The following CAST variants were observed in gnomAD, a reference collection of about 807,000 sequenced individuals.
The protein encoded by CAST is MIR583 host.
In CAST, 76 loss-of-function variants were observed where a neutral mutation model predicts 119.6. The observed-to-expected ratio is 0.64, with a 90% CI of 0.53 to 0.77. The LOEUF (loss-of-function observed/expected upper bound fraction) is 0.77, where lower values mean the gene tolerates loss of function less well. CAST is among the 30% of genes least tolerant of loss of function. The pLI is 0.00. For synonymous variants in CAST, 319 were observed against 331.6 expected, an observed-to-expected ratio of 0.96 and a Z score of 0.41; for missense variants, 953 against 946.5, an observed-to-expected ratio of 1.01 and a Z score of -0.09.
intron 1 of CAST, among the ~76,000 whole-genome samples, chr5:96,546,749 A>G (rs187212317): frequency 6.6e-6 from 1 of 152,320 alleles, no homozygotes; most frequent in Admixed American, 6.5e-5. Flanking sequence ...TAATGCCTCC[A>G]AAATACAAAA....
the CAST span, among the ~76,000 whole-genome samples, chr5:96,094,784 T>C: frequency 1.3e-5 from 2 of 152,230 alleles, no homozygotes; most frequent in Admixed American, 6.5e-5. Context: ...TTACATGTTT[T>C]ATTTTTAAAT....
At chr5:96,437,099 G>A in the CAST span, among the ~76,000 whole-genome samples, 1 of 152,178 alleles carries the variant, frequency 6.6e-6, no homozygotes, top group Non-Finnish European at 1.5e-5. Flanking sequence ...TATCTTGAGG[G>A]ACATCTTTAA....
chr5:96,336,756 G>A, the CAST span, among the ~76,000 whole-genome samples: 1 of 152,138 alleles, frequency 6.6e-6, no homozygotes, highest in Non-Finnish European at 1.5e-5. Flanking sequence ...ATAGAGATTT[G>A]GGGTAAAGCA....
the CAST span, among the ~76,000 whole-genome samples, chr5:96,244,614 C>A: frequency 1.3e-5 from 2 of 152,128 alleles, no homozygotes; most frequent in Non-Finnish European, 2.9e-5. Flanking sequence ...ATATTTACCC[C>A]ATTTTATACA....
intron 2 of CAST, among the ~76,000 whole-genome samples, chr5:96,688,449 A>C (rs1752324659): frequency 2.0e-5 from 3 of 152,220 alleles, no homozygotes; most frequent in Admixed American, 1.3e-4. Flanking sequence ...TATTTATCAT[A>C]GCTTTATTTA....
At chr5:96,266,046 T>C in the CAST span, among the ~76,000 whole-genome samples, 1 of 152,180 alleles carries the variant, frequency 6.6e-6, no homozygotes, top group East Asian at 1.9e-4. Flanking sequence ...GGTTCCACAA[T>C]GGCTTTGTAA....
chr5:96,331,506 G>A, the CAST span, among the ~76,000 whole-genome samples: 1 of 152,164 alleles, frequency 6.6e-6, no homozygotes, highest in African/African-American at 2.4e-5. Context: ...CATCATTCAT[G>A]TTTTCAGTTA....
At chr5:96,652,417 A>G (rs1363949475) in intron 1 of CAST, among the ~76,000 whole-genome samples, 1 of 152,234 alleles carries the variant, frequency 6.6e-6, no homozygotes, top group Admixed American at 6.5e-5. Flanking sequence ...ATTTTAGCCT[A>G]AGTACTAAAT....
At chr5:96,212,708 G>A in the CAST span, among the ~76,000 whole-genome samples, 1 of 152,142 alleles carries the variant, frequency 6.6e-6, no homozygotes. Context: ...TTGTAGACTT[G>A]TCTATTTCTC....
the CAST span, among the ~76,000 whole-genome samples, chr5:96,321,321 T>C: frequency 6.6e-6 from 1 of 152,328 alleles, no homozygotes; most frequent in Admixed American, 6.5e-5. Flanking sequence ...CAAAAATGTC[T>C]CCAGACATTG....
At chr5:96,307,469 T>A in the CAST span, among the ~76,000 whole-genome samples, 1 of 152,254 alleles carries the variant, frequency 6.6e-6, no homozygotes, top group Non-Finnish European at 1.5e-5. Context: ...TTAATATTGT[T>A]ATGTGTGCAT....
chr5:95,967,663 G>A, the CAST span, among the ~76,000 whole-genome samples: 2 of 152,044 alleles, frequency 1.3e-5, no homozygotes, highest in African/African-American at 2.4e-5. Context: ...GGCACTGCTC[G>A]TTGCTGTCGC....
the CAST span, among the ~76,000 whole-genome samples, chr5:96,459,328 G>T: frequency 1.3e-5 from 2 of 152,074 alleles, no homozygotes; most frequent in Non-Finnish European, 2.9e-5. Flanking sequence ...TTCTCTCATG[G>T]TCGTATATTG....
chr5:96,432,082 C>T, the CAST span: 3 of 1,531,844 alleles, frequency 2.0e-6, no homozygotes, highest in Non-Finnish European at 2.6e-6. Flanking sequence ...CGATTACGTA[C>T]TTGGCTGAAG....
At chr5:96,772,346 A>G (rs1414404069) in intron 31 of CAST, 1 of 153,314 alleles carries the variant, frequency 6.5e-6, no homozygotes, top group African/African-American at 2.4e-5. Context: ...AAAGCATACA[A>G]GCACTTACTG....
At chr5:96,366,912 T>C in the CAST span, among the ~76,000 whole-genome samples, 1 of 152,226 alleles carries the variant, frequency 6.6e-6, no homozygotes, top group African/African-American at 2.4e-5. Flanking sequence ...CTCTGATTTT[T>C]AGAATTTTCA....
At chr5:96,315,154 C>T in the CAST span, among the ~76,000 whole-genome samples, 134,319 of 152,198 alleles carry the variant, frequency 0.88, 59,510 homozygotes, top group Non-Finnish European at 0.93. Context: ...AACTGTGATA[C>T]GGGTATAAGT....
the CAST span, among the ~76,000 whole-genome samples, chr5:96,240,025 C>A: frequency 6.6e-6 from 1 of 152,258 alleles, no homozygotes; most frequent in Non-Finnish European, 1.5e-5. Context: ...GAACATGAAG[C>A]ATAAGTTTCT....
At chr5:96,165,348 A>G in the CAST span, among the ~76,000 whole-genome samples, 1 of 152,136 alleles carries the variant, frequency 6.6e-6, no homozygotes, top group African/African-American at 2.4e-5. Context: ...CTAAGGATGG[A>G]GTTTAAACCA....
Sources: gnomAD v4.1 joint callset for allele counts (sites outside exome capture counted in the v4.1 genomes callset) on GRCh38, gnomAD v4.1.1 for gene constraint, MANE v1.5 for transcripts, NCBI Gene and HGNC (gene_info 2026-07-23, HGNC 2026-07-21) for gene names.